The following GALNT13 variants were observed in gnomAD, a reference collection of about 807,000 sequenced individuals.
The protein encoded by GALNT13 is polypeptide N-acetylgalactosaminyltransferase 13.
In GALNT13, 28 loss-of-function variants were observed where a neutral mutation model predicts 64.2. The ratio of observed to expected loss-of-function variants is 0.44; its 90% CI spans 0.32 to 0.60. The LOEUF (loss-of-function observed/expected upper bound fraction) is 0.60. Among genes scored for constraint, GALNT13 ranks in the 20% least tolerant of loss-of-function variants. The pLI, the probability that GALNT13 is intolerant of heterozygous loss-of-function variation, is 0.05. For missense variants in GALNT13, 577 were observed against 669.8 expected, an observed-to-expected ratio of 0.86 and a Z score of 1.53; for synonymous variants, 214 against 224.6, an observed-to-expected ratio of 0.95 and a Z score of 0.42.
the GALNT13 span, among the ~76,000 whole-genome samples, chr2:153,285,449 A>G: frequency 1.6e-3 from 249 of 152,312 alleles, 7 homozygotes; most frequent in East Asian, 0.043. Flanking sequence ...GGAAAATGGA[A>G]TTACGTAGAA....
intron 3 of GALNT13, among the ~76,000 whole-genome samples, chr2:154,036,496 G>A (rs1003859311): frequency 1.3e-5 from 2 of 151,986 alleles, no homozygotes; most frequent in Non-Finnish European, 2.9e-5. Context: ...AATTATCATT[G>A]AGTCCTATGA....
At chr2:153,868,909 C>T (rs553091071), upstream of GALNT13, among the ~76,000 whole-genome samples, 1 of 152,324 alleles carries the variant, frequency 6.6e-6, no homozygotes, top group South Asian at 2.1e-4. Context: ...TAACTTTCAA[C>T]ACTCATTCAG....
At chr2:153,792,974 T>A in the GALNT13 span, among the ~76,000 whole-genome samples, 1 of 123,682 alleles carries the variant, frequency 8.1e-6, no homozygotes, top group African/African-American at 3.1e-5. Flanking sequence ...TTCTTTCTTT[T>A]TTTTTTTTTT....
rs1693503006 is a variant in GALNT13, at chr2:154,302,548, C to T, written c.1156+959C>T. Among the ~76,000 whole-genome samples the T allele has an allele frequency of 2.0e-5, 3 of 152,198 alleles. No homozygotes were observed. In the South Asian group the frequency reaches 6.2e-4, roughly 31 times the overall value. On this transcript the variant is annotated intron_variant, in intron 9 of 12. Transcript: ENST00000392825. The stretch of plus-strand genomic sequence containing the variant: ...AAGTGTCAATGAAAAGAGTCAAACT[C>T]TGTAAAACATTTAGAGCTTTACTCT...
chr2:153,610,137 C>T, the GALNT13 span, among the ~76,000 whole-genome samples: 1 of 152,018 alleles, frequency 6.6e-6, no homozygotes, highest in African/African-American at 2.4e-5. Context: ...ACAGCCATTA[C>T]CAAAGTTGGT....
At chr2:153,255,569 C>T in the GALNT13 span, among the ~76,000 whole-genome samples, 3 of 151,938 alleles carry the variant, frequency 2.0e-5, no homozygotes, top group Non-Finnish European at 2.9e-5. Context: ...TAGTCTCGAT[C>T]ATTACGTTTT....
chr2:154,166,618 C>T (rs535054830), intron 4 of GALNT13, among the ~76,000 whole-genome samples: 51 of 152,284 alleles, frequency 3.3e-4, no homozygotes, highest in African/African-American at 1.2e-3. Flanking sequence ...CTAGCCATCC[C>T]ATTACTGGGT....
intron 4 of GALNT13, among the ~76,000 whole-genome samples, chr2:154,145,072 CTATCTATCTA>C (rs1183170882): frequency 5.3e-5 from 6 of 112,856 alleles, no homozygotes; most frequent in African/African-American, 1.8e-4. Flanking sequence ...CTCTCTCTCT[CTATCTATCTA>C]TCTATCTATC....
the GALNT13 span, among the ~76,000 whole-genome samples, chr2:153,103,670 G>A: frequency 6.6e-6 from 1 of 152,178 alleles, no homozygotes; most frequent in African/African-American, 2.4e-5. Context: ...GCACTTTTCA[G>A]TATTTGAAAG....
upstream of GALNT13, among the ~76,000 whole-genome samples, chr2:153,867,539 A>G (rs926752848): frequency 6.6e-5 from 10 of 152,120 alleles, no homozygotes; most frequent in South Asian, 2.1e-4. Context: ...GTGGAAGACA[A>G]TTTTTCCACA....
rs1689571994 is a variant in GALNT13 at position 154,242,864 on chromosome 2, A to G, written c.645A>G (p.Leu215=). 6.2e-7 allele frequency: 1 copy of G among 1,614,080 alleles called. No homozygotes were observed. Among genetic ancestry groups the G allele is most frequent in the Non-Finnish European group, 8.5e-7 (1 of 1,180,026 alleles). ...TFLDAHCECT[L]GWLEPLLARI... ...TTGATGCACACTGTGAATGCACGTT[A>G]GGATGGCTGGAGCCTTTGCTGGCAA... Residue 215 remains leucine, a synonymous_variant, in exon 6 of 13, where the codon TTA becomes TTG. Coordinates refer to ENST00000392825, the MANE Select transcript of GALNT13 (RefSeq NM_052917.4).
At chr2:154,259,901 A>C (rs1268152015) in intron 8 of GALNT13, among the ~76,000 whole-genome samples, 1 of 151,768 alleles carries the variant, frequency 6.6e-6, no homozygotes, top group South Asian at 2.1e-4. Context: ...TTGTTTTTTG[A>C]GACAGAATTT....
the GALNT13 span, among the ~76,000 whole-genome samples, chr2:153,074,948 G>A: frequency 6.6e-6 from 1 of 152,100 alleles, no homozygotes; most frequent in East Asian, 1.9e-4. Context: ...GCCCAGCCTG[G>A]TCTGGAACTC....
At chr2:153,592,051 A>G in the GALNT13 span, among the ~76,000 whole-genome samples, 1 of 146,678 alleles carries the variant, frequency 6.8e-6, no homozygotes, top group African/African-American at 2.6e-5. Context: ...CAAACTGACA[A>G]ATGGTTAACA....
chr2:153,252,639 A>G, the GALNT13 span, among the ~76,000 whole-genome samples: 3 of 152,288 alleles, frequency 2.0e-5, no homozygotes, highest in African/African-American at 4.8e-5. Flanking sequence ...ATCTTGAATT[A>G]ATTTTTGTAT....
intron 3 of GALNT13, among the ~76,000 whole-genome samples, chr2:154,113,529 A>C (rs1302602343): frequency 6.6e-6 from 1 of 152,196 alleles, no homozygotes; most frequent in Non-Finnish European, 1.5e-5. Flanking sequence ...CTTTCACCTT[A>C]GGAGGAATAT....
the GALNT13 span, among the ~76,000 whole-genome samples, chr2:153,760,824 G>A: frequency 1.3e-4 from 20 of 152,018 alleles, no homozygotes; most frequent in Admixed American, 1.3e-3. Context: ...TGAAAGTAGG[G>A]AACTGAAATC....
At chr2:153,548,832 C>A in the GALNT13 span, among the ~76,000 whole-genome samples, 1 of 152,234 alleles carries the variant, frequency 6.6e-6, no homozygotes, top group African/African-American at 2.4e-5. Context: ...CACAAATGTT[C>A]ATAACAGCAT....
At chr2:153,483,410 CTTTTT>C in the GALNT13 span, among the ~76,000 whole-genome samples, 25 of 71,776 alleles carry the variant, frequency 3.5e-4, no homozygotes, top group African/African-American at 1.1e-3. Context: ...GAATAAAATT[CTTTTT>C]TTTTTTTTTT....
Sources: gnomAD v4.1 joint callset for allele counts (sites outside exome capture counted in the v4.1 genomes callset) on GRCh38, gnomAD v4.1.1 for gene constraint, MANE v1.5 for transcripts, NCBI Gene and HGNC (gene_info 2026-07-23, HGNC 2026-07-21) for gene names.